RTN4: variants seen among roughly 807,000 people sequenced by gnomAD.
RTN4 encodes reticulon 4.
In RTN4, 32 loss-of-function variants were observed where a neutral mutation model predicts 90.4. The ratio of observed to expected loss-of-function variants is 0.35; its 90% CI spans 0.27 to 0.48. RTN4 has a LOEUF of 0.48. RTN4 is among the 20% of genes least tolerant of loss of function. RTN4 has a pLI of 0.99. For synonymous variants in RTN4, 629 were observed against 552.5 expected (o/e 1.14, Z -1.94); for missense variants, 1,706 against 1,430.2 (o/e 1.19, Z -3.11).
At chr2:55,122,849 T>G in the RTN4 span, among the ~76,000 whole-genome samples, 2 of 152,190 alleles carry the variant, frequency 1.3e-5, no homozygotes, top group Non-Finnish European at 2.9e-5. Context: ...ATAATAACTC[T>G]CCAGCCAGAG....
chr2:55,099,329 T>C (rs1337840965), intron 1 of RTN4, among the ~76,000 whole-genome samples: 1 of 152,162 alleles, frequency 6.6e-6, no homozygotes, highest in Non-Finnish European at 1.5e-5. Context: ...GATGTTTCAA[T>C]CTATTGCTGG....
intron 2 of RTN4, among the ~76,000 whole-genome samples, chr2:55,064,349 C>CTTTTTTTTT (rs70947003): frequency 7.5e-6 from 1 of 133,400 alleles, no homozygotes; most frequent in Non-Finnish European, 1.6e-5. Flanking sequence ...CACAAACATT[C>CTTTTTTTTT]TTTTTTTTTT....
chr2:55,071,660 T>G (rs1357720919), intron 2 of RTN4, among the ~76,000 whole-genome samples: 2 of 152,026 alleles, frequency 1.3e-5, no homozygotes, highest in Non-Finnish European at 2.9e-5. Context: ...TGTCAATTTA[T>G]AGATTACCCC....
chr2:55,040,256 GATAAA>G (rs1682981607), intron 1 of RTN4, among the ~76,000 whole-genome samples: 1 of 152,064 alleles, frequency 6.6e-6, no homozygotes, highest in Admixed American at 6.6e-5. Flanking sequence ...ATCAGAATTT[GATAAA>G]ATAAAACTTT....
chr2:55,073,613 A>C (rs2972071), intron 2 of RTN4, among the ~76,000 whole-genome samples: 2 of 152,086 alleles, frequency 1.3e-5, no homozygotes, highest in South Asian at 2.1e-4. Context: ...TACTATGTCA[A>C]TGTGCAAATT....
intron 3 of RTN4, among the ~76,000 whole-genome samples, chr2:54,998,484 T>C (rs1679618304): frequency 6.6e-6 from 1 of 152,198 alleles, no homozygotes; most frequent in Admixed American, 6.5e-5. Context: ...TAAAAAATGT[T>C]TCTACGCTTT....
In RTN4 at chr2:55,026,597, T is replaced by C; in HGVS notation, c.1502A>G (p.Lys501Arg). The change falls in exon 3 of 9, where the codon AAG (lysine) becomes AGG (arginine). Residue 501 changes from lysine (K) to arginine (R), a missense_variant. Lys to Arg is a conservative substitution (Grantham distance 26, BLOSUM62 2). Coordinates refer to ENST00000337526, the MANE Select transcript of RTN4 (RefSeq NM_020532.5). ...KTDEKKIEEK[K>R]AQIVTEKNTS... ...ATTCTTCTCTGTTACTATTTGGGCC[T>C]TCTTTTCTTCTATTTTTTTTTCATC... The C allele has an allele frequency of 6.2e-7, 1 of 1,612,230 alleles. No homozygotes were observed. The highest frequency in any genetic ancestry group is 8.5e-7 in the Non-Finnish European group (1 of 1,179,766).
chr2:55,074,784 C>A (rs1383319621), intron 2 of RTN4, among the ~76,000 whole-genome samples: 1 of 152,064 alleles, frequency 6.6e-6, no homozygotes, highest in Non-Finnish European at 1.5e-5. Context: ...ATCTGTAAGT[C>A]AATAAATGTG....
chr2:55,137,104 T>C, the RTN4 span, among the ~76,000 whole-genome samples: 1 of 152,204 alleles, frequency 6.6e-6, no homozygotes, highest in Non-Finnish European at 1.5e-5. Context: ...CGCACTTCCG[T>C]CTGGGGAGCT....
At chr2:55,069,572 T>C (rs890405498) in intron 2 of RTN4, among the ~76,000 whole-genome samples, 2 of 152,214 alleles carry the variant, frequency 1.3e-5, no homozygotes, top group African/African-American at 4.8e-5. Context: ...CTTTCAGAAG[T>C]AGAGTTAACT....
At chr2:55,059,425 C>T (rs75834196) in intron 2 of RTN4, among the ~76,000 whole-genome samples, 17,253 of 151,942 alleles carry the variant, frequency 0.11, 1,143 homozygotes, top group South Asian at 0.22. Flanking sequence ...GCGATCACGG[C>T]TCACTGTAGC....
the RTN4 span, among the ~76,000 whole-genome samples, chr2:55,127,805 CT>C: frequency 6.6e-6 from 1 of 152,156 alleles, no homozygotes; most frequent in African/African-American, 2.4e-5. Flanking sequence ...CAGAATCACT[CT>C]TTCTACACCC....
chr2:55,130,071 G>A, the RTN4 span, among the ~76,000 whole-genome samples: 1 of 152,138 alleles, frequency 6.6e-6, no homozygotes, highest in Non-Finnish European at 1.5e-5. Context: ...TTATAAAATT[G>A]TTTGTGAAGG....
At chr2:54,975,973 G>C (rs935678324) in intron 5 of RTN4, among the ~76,000 whole-genome samples, 14 of 152,188 alleles carry the variant, frequency 9.2e-5, no homozygotes, top group Non-Finnish European at 2.1e-4. Flanking sequence ...AGAAAGGTTT[G>C]AAGGATGACT....
chr2:55,129,499 G>A, the RTN4 span, among the ~76,000 whole-genome samples: 1 of 152,100 alleles, frequency 6.6e-6, no homozygotes. Context: ...AGGATTGCCT[G>A]AGCCTAAGAG....
chr2:54,999,469 G>T (rs999349323), intron 3 of RTN4, among the ~76,000 whole-genome samples: 7 of 152,132 alleles, frequency 4.6e-5, no homozygotes, highest in Non-Finnish European at 8.8e-5. Context: ...GTCTGGGAAG[G>T]CGGGGCAGTG....
intron 1 of RTN4, among the ~76,000 whole-genome samples, chr2:55,029,590 A>G (rs957972543): frequency 1.3e-5 from 2 of 152,214 alleles, no homozygotes; most frequent in Admixed American, 1.3e-4. Flanking sequence ...AAATGTAGCT[A>G]ACATGAATAC....
rs1186293982 is a variant in RTN4, at chr2:55,025,444, T to G, written c.2655A>C (p.Leu885Phe). 6.2e-7 allele frequency: 1 copy of G among 1,613,852 alleles called. No homozygotes were observed. ...ISSKTDSFSK[L>F]AREYTDLEVS... ...CTTCTAGGTCAGTATATTCCCTGGC[T>G]AATTTAGAAAATGAATCAGTTTTAG... The change falls in exon 3 of 9, where the codon TTA becomes TTC. Residue 885 changes from leucine (L) to phenylalanine (F), a missense_variant. By Grantham distance (22) the Leu-to-Phe change is conservative. Transcript: ENST00000337526.
At chr2:55,044,239 A>T (rs1683265488) in intron 1 of RTN4, among the ~76,000 whole-genome samples, 1 of 152,170 alleles carries the variant, frequency 6.6e-6, no homozygotes, top group Non-Finnish European at 1.5e-5. Context: ...AAAAAATTTT[A>T]AAAATAGCCA....
Sources: gnomAD v4.1 joint callset for allele counts (sites outside exome capture counted in the v4.1 genomes callset) on GRCh38, gnomAD v4.1.1 for gene constraint, MANE v1.5 for transcripts, NCBI Gene and HGNC (gene_info 2026-07-23, HGNC 2026-07-21) for gene names.